Variants in CDH20 observed in about 807,000 individuals in gnomAD.
The protein encoded by CDH20 is cadherin 20, also known as cadherin-20.
CDH20 carries 29 observed loss-of-function variants against 74.2 expected under a neutral mutation model. The observed-to-expected ratio is 0.39, with a 90% CI of 0.29 to 0.53. CDH20 has a LOEUF of 0.53. Among genes scored for constraint, CDH20 ranks in the 20% least tolerant of loss-of-function variants. The probability of loss-of-function intolerance (pLI) is 0.69; values close to 1 mark genes in which losing one functional copy is unlikely to be tolerated. For synonymous variants in CDH20, 469 were observed against 405.4 expected, an observed-to-expected ratio of 1.16 and a Z score of -1.88; for missense variants, 988 against 1,048.3, an observed-to-expected ratio of 0.94 and a Z score of 0.79.
intron 1 of CDH20, among the ~76,000 whole-genome samples, chr18:61,410,907 T>A (rs1292603410): frequency 6.6e-6 from 1 of 152,170 alleles, no homozygotes; most frequent in Middle Eastern, 3.2e-3. Flanking sequence ...ATTAAAAATA[T>A]GTATAAGGCG....
chr18:61,482,225 G>C (rs1316173074), intron 1 of CDH20, among the ~76,000 whole-genome samples: 1 of 152,090 alleles, frequency 6.6e-6, no homozygotes, highest in Non-Finnish European at 1.5e-5. Flanking sequence ...GAAAGTTCCT[G>C]CCTCTTTAAA....
chr18:61,455,556 A>G (rs1396007210), intron 1 of CDH20, among the ~76,000 whole-genome samples: 3 of 152,062 alleles, frequency 2.0e-5, no homozygotes, highest in Non-Finnish European at 1.5e-5. Flanking sequence ...AAACCACTGG[A>G]AGGTCATATT....
intron 9 of CDH20, among the ~76,000 whole-genome samples, chr18:61,543,575 A>G (rs934712341): frequency 6.6e-6 from 1 of 152,216 alleles, no homozygotes; most frequent in African/African-American, 2.4e-5. Context: ...TGGAAAAGGC[A>G]AAACGTGGCC....
intron 1 of CDH20, among the ~76,000 whole-genome samples, chr18:61,466,188 C>CT (rs1246259644): frequency 7.3e-5 from 11 of 151,514 alleles, no homozygotes; most frequent in Admixed American, 1.3e-4. Context: ...AGTAACATTA[C>CT]TTTTTTTGAA....
At chr18:61,521,294 C>T (rs1046072704) in intron 6 of CDH20, among the ~76,000 whole-genome samples, 5 of 151,358 alleles carry the variant, frequency 3.3e-5, no homozygotes, top group African/African-American at 9.8e-5. Flanking sequence ...ATACTATAAA[C>T]ACTTCTATGC....
chr18:61,472,290 TC>T (rs777304731), intron 1 of CDH20, among the ~76,000 whole-genome samples: 136 of 151,722 alleles, frequency 9.0e-4, no homozygotes, highest in African/African-American at 3.2e-3. Flanking sequence ...GGGTCTTACT[TC>T]CCCCCGAGAG....
chr18:61,376,856 T>A (rs1911252236), intron 1 of CDH20, among the ~76,000 whole-genome samples: 1 of 152,100 alleles, frequency 6.6e-6, no homozygotes, highest in Non-Finnish European at 1.5e-5. Flanking sequence ...AATAGGTGCG[T>A]ATGCAGGCAG....
At chr18:61,474,002 C>T (rs986936667) in intron 1 of CDH20, among the ~76,000 whole-genome samples, 2 of 152,152 alleles carry the variant, frequency 1.3e-5, no homozygotes, top group African/African-American at 4.8e-5. Context: ...ATGCTTACTA[C>T]TATGTAAAAT....
At chr18:61,465,937 G>C (rs771179772) in intron 1 of CDH20, among the ~76,000 whole-genome samples, 3 of 152,018 alleles carry the variant, frequency 2.0e-5, no homozygotes, top group Non-Finnish European at 4.4e-5. Flanking sequence ...ATATAGGCCC[G>C]TAGTCTCAGC....
rs368798362 is a variant in CDH20 at position 61,349,121 on chromosome 18, C to A, written c.-153+15294C>A. ...GTTAGAAACATTGGAATTACCAGAACAACTAACCATGGTCTCCATCTCTGA... is the reference window on the plus strand; with the variant it reads ...GTTAGAAACATTGGAATTACCAGAAAAACTAACCATGGTCTCCATCTCTGA... On this transcript the variant is annotated intron_variant, in intron 1 of 11. Transcript: ENST00000262717. Among the ~76,000 whole-genome samples, 6 of 152,234 alleles carry A rather than the reference C, an allele frequency of 3.9e-5. No individual in the cohort carries two copies. The South Asian group carries it at 1.0e-3, about 26-fold the overall frequency.
chr18:61,518,248 T>G (rs1214668740), intron 6 of CDH20, among the ~76,000 whole-genome samples: 1 of 152,158 alleles, frequency 6.6e-6, no homozygotes, highest in African/African-American at 2.4e-5. Flanking sequence ...AGTGAATCTC[T>G]CAGCACAGCA....
chr18:61,369,563 G>A (rs998855132), intron 1 of CDH20, among the ~76,000 whole-genome samples: 7 of 151,908 alleles, frequency 4.6e-5, no homozygotes, highest in African/African-American at 1.5e-4. Context: ...CTTGTTACTG[G>A]GTATATATCC....
intron 8 of CDH20, 84 bp downstream of exon 8, chr18:61,536,713 C>T: frequency 2.5e-6 from 3 of 1,202,876 alleles, no homozygotes; most frequent in Non-Finnish European, 3.6e-6. Context: ...CTTGTTGTAA[C>T]AAAAATTATA....
At chr18:61,430,102 G>C (rs1913206637) in intron 1 of CDH20, among the ~76,000 whole-genome samples, 1 of 151,310 alleles carries the variant, frequency 6.6e-6, no homozygotes. Flanking sequence ...CTTACTCCTA[G>C]GCATCTTTTT....
chr18:61,418,855 T>A (rs1003012278), intron 1 of CDH20, among the ~76,000 whole-genome samples: 1 of 152,192 alleles, frequency 6.6e-6, no homozygotes, highest in Non-Finnish European at 1.5e-5. Context: ...ATTCCAGATA[T>A]TTATCTCTTT....
At chr18:61,469,343 C>A (rs1257476142) in intron 1 of CDH20, among the ~76,000 whole-genome samples, 3 of 150,160 alleles carry the variant, frequency 2.0e-5, no homozygotes, top group African/African-American at 7.4e-5. Context: ...CAAAGCTTAA[C>A]CCCAGTTGGA....
At chr18:61,538,588 G>GTTTTTTTTTTTT (rs1265851069) in intron 8 of CDH20, among the ~76,000 whole-genome samples, 9 of 55,118 alleles carry the variant, frequency 1.6e-4, no homozygotes, top group East Asian at 8.3e-4. Context: ...CTTTTTGTTT[G>GTTTTTTTTTTTT]TTTGTTTGTT....
At chr18:61,460,499 A>G (rs1909728829) in intron 1 of CDH20, among the ~76,000 whole-genome samples, 1 of 152,202 alleles carries the variant, frequency 6.6e-6, no homozygotes, top group Non-Finnish European at 1.5e-5. Context: ...CAGGGAGGCA[A>G]TAGCATAAAC....
At chr18:61,537,674 G>A (rs893570692) in intron 8 of CDH20, among the ~76,000 whole-genome samples, 25 of 152,108 alleles carry the variant, frequency 1.6e-4, no homozygotes, top group African/African-American at 2.7e-4. Context: ...ATCTCTGGTG[G>A]TAGGACTGTG....
Sources: gnomAD v4.1 joint callset for allele counts (sites outside exome capture counted in the v4.1 genomes callset) on GRCh38, gnomAD v4.1.1 for gene constraint, MANE v1.5 for transcripts, NCBI Gene and HGNC (gene_info 2026-07-23, HGNC 2026-07-21) for gene names.